ALG9: variants seen among roughly 807,000 people sequenced by gnomAD.
The protein encoded by ALG9 is alpha-1,2-mannosyltransferase ALG9.
Under a neutral mutation model 81.8 loss-of-function variants are expected in ALG9, and 55 were observed. The ratio of observed to expected loss-of-function variants is 0.67; its 90% CI spans 0.54 to 0.84. The LOEUF (loss-of-function observed/expected upper bound fraction) is 0.84. ALG9 is among the 40% of genes least tolerant of loss of function. The probability of loss-of-function intolerance (pLI) is 0.00; values close to 1 mark genes in which losing one functional copy is unlikely to be tolerated. For missense variants in ALG9, 629 were observed against 745.0 expected (o/e 0.84, Z 1.81); for synonymous variants, 278 against 274.3 (o/e 1.01, Z -0.13).
intron 14 of ALG9, among the ~76,000 whole-genome samples, chr11:111,790,756 G>C (rs1272768939): frequency 2.0e-5 from 3 of 152,148 alleles, no homozygotes; most frequent in Non-Finnish European, 4.4e-5. Context: ...TCAGGGAAAT[G>C]CAAGACTAGA....
intron 14 of ALG9, among the ~76,000 whole-genome samples, chr11:111,809,109 T>C (rs1431288769): frequency 1.3e-5 from 2 of 152,248 alleles, no homozygotes; most frequent in African/African-American, 4.8e-5. Flanking sequence ...ACACTTGTGC[T>C]TTCTTCAGCA....
intron 3 of ALG9, among the ~76,000 whole-genome samples, chr11:111,866,219 C>T (rs1381348739): frequency 1.3e-5 from 2 of 152,166 alleles, no homozygotes; most frequent in Non-Finnish European, 2.9e-5. Flanking sequence ...ATTACTTGAA[C>T]CTGGGAGTCG....
intron 14 of ALG9, 133 bp from the exon 15 acceptor site, chr11:111,786,653 T>C: frequency 9.2e-7 from 1 of 1,083,068 alleles, no homozygotes; most frequent in East Asian, 2.8e-5. Flanking sequence ...GAAAAGCCTA[T>C]TATTTCGGTA....
chr11:111,842,690 C>T (rs558142190), intron 9 of ALG9, among the ~76,000 whole-genome samples: 76 of 152,132 alleles, frequency 5.0e-4, no homozygotes, highest in African/African-American at 1.7e-3. Flanking sequence ...TCCCAAAATA[C>T]TGGGATTATA....
At chr11:111,791,635 A>T (rs1591802297) in intron 14 of ALG9, among the ~76,000 whole-genome samples, 2 of 152,062 alleles carry the variant, frequency 1.3e-5, no homozygotes, top group Non-Finnish European at 2.9e-5. Context: ...TTCCTCCCGG[A>T]CCTCTACACT....
At chr11:111,857,924 G>T (rs955274773) in intron 5 of ALG9, 187 bp from the exon 6 acceptor site, 5 of 669,798 alleles carry the variant, frequency 7.5e-6, no homozygotes, top group Non-Finnish European at 4.9e-6. Flanking sequence ...GAAGTTCAAT[G>T]ACTCTTATTT....
intron 14 of ALG9, among the ~76,000 whole-genome samples, chr11:111,807,447 C>T (rs1381430930): frequency 8.5e-5 from 13 of 152,200 alleles, no homozygotes; most frequent in Non-Finnish European, 1.9e-4. Flanking sequence ...TTGAGGCCGA[C>T]TCTGACCACC....
At position 111,865,070 on chromosome 11, in the gene ALG9, C is replaced by A. The variant is rs1210179126; in HGVS notation, c.476+111G>T. Reference sequence around the variant, plus strand: ...GGGATTACAGGTGTGAGCCACCGCACCCGGTCAAGAGTTTTCTATTTCTAA... The same window carrying A: ...GGGATTACAGGTGTGAGCCACCGCAACCGGTCAAGAGTTTTCTATTTCTAA... On this transcript the variant is annotated intron_variant, in intron 4 of 14. Transcript: ENST00000616540. 11 of 876,836 alleles carry A rather than the reference C, an allele frequency of 1.3e-5. No individual in the cohort carries two copies. The African/African-American group carries it at 1.7e-4, about 14-fold the overall frequency. The allele number at this position is 876,836 out of a possible 1,614,324, so 54.3% of individuals were successfully genotyped here. A position where few individuals can be genotyped will look rare whatever the true frequency, so the allele number is the denominator to read the frequency against.
the ALG9 span, among the ~76,000 whole-genome samples, chr11:111,770,439 C>G: frequency 6.6e-6 from 1 of 151,958 alleles, no homozygotes; most frequent in African/African-American, 2.4e-5. Flanking sequence ...TATCAATAAG[C>G]AATTCTGAAT....
intron 6 of ALG9, among the ~76,000 whole-genome samples, chr11:111,856,276 C>CAAAAAAAAAAAAAA (rs1175162630): frequency 5.2e-5 from 2 of 38,586 alleles, no homozygotes; most frequent in African/African-American, 1.5e-4. Context: ...GACTCCATCT[C>CAAAAAAAAAAAAAA]AAAAAAAAAA....
At position 111,838,549 on chromosome 11, in the gene ALG9, C is replaced by T. The variant is rs535019282; in HGVS notation, c.1174-150G>A. 16 of 675,714 alleles carry T rather than the reference C, an allele frequency of 2.4e-5. No homozygotes were observed. The African/African-American group carries it at 2.7e-4, about 11-fold the overall frequency. 41.9% of individuals were successfully genotyped at this position (675,714 alleles called of 1,614,324 possible). ...CTCCAAACTCTAAGATAAAAGCCAA[C>T]TCCTCTAAGACTACCTGTAGTCTTG... On this transcript the variant is annotated intron_variant, in intron 10 of 14. Transcript: ENST00000616540.
At chr11:111,812,771 G>T (rs1201154708) in intron 13 of ALG9, among the ~76,000 whole-genome samples, 1 of 151,852 alleles carries the variant, frequency 6.6e-6, no homozygotes, top group Non-Finnish European at 1.5e-5. Flanking sequence ...ATAAAAATTA[G>T]CCAGGCATGG....
In ALG9 at chr11:111,782,503, T is replaced by C. The variant is rs1366461266; in HGVS notation, c.*3894A>G. ...GCTGGGCACATGTCCATTTATCCAT[T>C]TACCCAAGGCATTTAATGTAGGAGC... On this transcript the variant is annotated 3_prime_UTR_variant, in exon 15 of 15. Transcript: ENST00000616540. 6.6e-6 allele frequency: 1 copy of C among 152,648 alleles called. No homozygotes were observed. The highest frequency in any genetic ancestry group is 1.5e-5 in the Non-Finnish European group (1 of 68,048). 9.5% of individuals were successfully genotyped at this position (152,648 alleles called of 1,614,324 possible).
At chr11:111,800,937 T>G (rs1393740815) in intron 14 of ALG9, among the ~76,000 whole-genome samples, 1 of 152,208 alleles carries the variant, frequency 6.6e-6, no homozygotes, top group African/African-American at 2.4e-5. Flanking sequence ...TTTAGGAACT[T>G]AAACATTTGA....
chr11:111,787,794 A>G (rs537794266), intron 14 of ALG9, among the ~76,000 whole-genome samples: 1 of 152,288 alleles, frequency 6.6e-6, no homozygotes, highest in African/African-American at 2.4e-5. Context: ...AAAAATAAAT[A>G]TATGATTTAA....
intron 14 of ALG9, among the ~76,000 whole-genome samples, chr11:111,805,495 T>C (rs1272349379): frequency 1.3e-5 from 2 of 152,216 alleles, no homozygotes; most frequent in Non-Finnish European, 2.9e-5. Context: ...AATAAGCTAT[T>C]AAGCCATGAA....
chr11:111,798,154 G>A lies in ALG9; in HGVS notation c.1733+11489C>T, dbSNP rs1430321303. ...GGAGGTGGAGGTTGCAGTGAACAGA[G>A]ATTGTGTCACTGCACTCTAGCCTGG... On this transcript the variant is annotated intron_variant, in intron 14 of 14. Coordinates refer to ENST00000616540, the MANE Select transcript of ALG9 (RefSeq NM_024740.2). 3.0e-5 allele frequency: 8 copies of A among 263,996 alleles called. No homozygotes were observed. In the Admixed American group the frequency reaches 4.0e-4, roughly 13 times the overall value. The allele number at this position is 263,996 out of a possible 1,614,324, so 16.4% of individuals were successfully genotyped here.
intron 13 of ALG9, among the ~76,000 whole-genome samples, chr11:111,816,713 T>C (rs1302197760): frequency 6.6e-6 from 1 of 152,134 alleles, no homozygotes; most frequent in Non-Finnish European, 1.5e-5. Flanking sequence ...TGTGCCACCA[T>C]GCCTGGCTAA....
chr11:111,800,500 A>G lies in ALG9; in HGVS notation c.1733+9143T>C, dbSNP rs894367740. Among the ~76,000 whole-genome samples, 5 of 151,662 alleles carry G rather than the reference A, an allele frequency of 3.3e-5. No homozygotes were observed. In the Admixed American group the frequency reaches 3.3e-4, roughly 10 times the overall value. ...CGTCTCAAAAAATAAAAAATAAAAT[A>G]AAATAAAAAAGAATCTAACTCTATA... On this transcript the variant is annotated intron_variant, in intron 14 of 14. Coordinates refer to ENST00000616540, the MANE Select transcript of ALG9 (RefSeq NM_024740.2).
Sources: allele counts gnomAD v4.1 joint callset (sites outside exome capture counted in the v4.1 genomes callset), GRCh38; gene constraint gnomAD v4.1.1; transcripts MANE v1.5; gene names NCBI Gene and HGNC (gene_info 2026-07-23, HGNC 2026-07-21).